Variants in DNAAF4 observed in about 807,000 individuals in gnomAD.
DNAAF4 encodes dynein assembly factor 4, axonemal.
DNAAF4 carries 43 observed loss-of-function variants against 51.8 expected under a neutral mutation model. The ratio of observed to expected loss-of-function variants is 0.83; its 90% CI spans 0.65 to 1.07. DNAAF4 has a LOEUF of 1.07. Among genes scored for constraint, DNAAF4 ranks in the 50% least tolerant of loss-of-function variants. DNAAF4 has a pLI of 0.00. For synonymous variants in DNAAF4, 194 were observed against 165.6 expected, an observed-to-expected ratio of 1.17 and a Z score of -1.32; for missense variants, 581 against 493.0, an observed-to-expected ratio of 1.18 and a Z score of -1.69.
chr15:55,470,087 C>G (rs571699032), intron 4 of DNAAF4, among the ~76,000 whole-genome samples: 11 of 150,860 alleles, frequency 7.3e-5, no homozygotes, highest in Non-Finnish European at 1.2e-4. Context: ...AGTCTCACTC[C>G]GTTGCCCAGG....
chr15:55,501,077 T>C (rs1487986573), intron 1 of DNAAF4, among the ~76,000 whole-genome samples: 1 of 151,764 alleles, frequency 6.6e-6, no homozygotes, highest in African/African-American at 2.4e-5. Context: ...TTTGTTGTTG[T>C]TTTTTCAGAC....
chr15:55,442,568 G>A (rs2057731159), intron 6 of DNAAF4: 3 of 1,050,118 alleles, frequency 2.9e-6, no homozygotes, highest in African/African-American at 3.1e-5. Flanking sequence ...AGGGAGCAGA[G>A]TATTCGGGGG....
chr15:55,431,712 T>C (rs1442048390), intron 9 of DNAAF4, among the ~76,000 whole-genome samples: 3 of 152,028 alleles, frequency 2.0e-5, no homozygotes, highest in African/African-American at 4.8e-5. Flanking sequence ...TCTCCTGACC[T>C]TGTGATCCAC....
chr15:55,463,062 T>A (rs766726799), intron 5 of DNAAF4, among the ~76,000 whole-genome samples: 1 of 151,986 alleles, frequency 6.6e-6, no homozygotes, highest in African/African-American at 2.4e-5. Context: ...TAATCCCAGA[T>A]ACTGGGGAGG....
chr15:55,489,875 G>GTTT (rs869277272), intron 4 of DNAAF4, among the ~76,000 whole-genome samples: 7 of 137,768 alleles, frequency 5.1e-5, no homozygotes, highest in African/African-American at 1.1e-4. Flanking sequence ...GAGATAAGAA[G>GTTT]TTTTTTTTTT....
At position 55,434,928 on chromosome 15, in the gene DNAAF4, T is replaced by G. The variant is rs1403080521; in HGVS notation, c.1024A>C (p.Lys342Gln). ...ACHLKLKNLH[K>Q]AIEDSSKALE... ...ACCTTAGAAGAATCTTCAATAGCCT[T>G]GTGTAAGTTTTTTAGTTTTAGGTGG... is the stretch of plus-strand genomic sequence containing the variant. The change falls in exon 8 of 10, where the codon AAG becomes CAG. Residue 342 changes from lysine to glutamine, a missense_variant. Transcript: ENST00000321149. 1 of 1,611,076 alleles carries G rather than the reference T, an allele frequency of 6.2e-7. No homozygotes were observed. The highest frequency in any genetic ancestry group is 2.2e-5 in the East Asian group (1 of 44,810).
chr15:55,436,844 G>A (rs2057620299), intron 7 of DNAAF4, among the ~76,000 whole-genome samples: 1 of 149,762 alleles, frequency 6.7e-6, no homozygotes, highest in African/African-American at 2.5e-5. Context: ...ATCTTGAGAT[G>A]GAGTCTCACT....
At chr15:55,462,172 C>G (rs2058102209) in intron 5 of DNAAF4, among the ~76,000 whole-genome samples, 1 of 151,526 alleles carries the variant, frequency 6.6e-6, no homozygotes, top group Non-Finnish European at 1.5e-5. Context: ...TAAAAAAAGT[C>G]CAGGACCAGA....
rs746516117 is a variant in DNAAF4 at position 55,491,077 on chromosome 15, C to G, written c.405+46G>C. 6 of 1,608,636 alleles carry G rather than the reference C, an allele frequency of 3.7e-6. No individual in the cohort carries two copies. The East Asian group carries it at 1.3e-4, about 36-fold the overall frequency. ...CTGGAACTCACTATCCTCACATAGT[C>G]TACTATTATCTCTTTAGAGGACTTG... On this transcript the variant is annotated intron_variant, in intron 4 of 9. Coordinates refer to ENST00000321149, the MANE Select transcript of DNAAF4 (RefSeq NM_130810.4).
At chr15:55,422,407 T>C (rs891161106) in intron 7 of DNAAF4, among the ~76,000 whole-genome samples, 2 of 152,150 alleles carry the variant, frequency 1.3e-5, no homozygotes, top group African/African-American at 4.8e-5. Flanking sequence ...TTATTTAAAA[T>C]GATTAAACCA....
chr15:55,461,440 C>A (rs917461348), intron 5 of DNAAF4, among the ~76,000 whole-genome samples: 3 of 152,126 alleles, frequency 2.0e-5, no homozygotes, highest in Non-Finnish European at 4.4e-5. Context: ...CAAATACTCT[C>A]TAAGACCACA....
intron 5 of DNAAF4, among the ~76,000 whole-genome samples, chr15:55,462,420 G>C (rs886173122): frequency 1.3e-5 from 2 of 152,060 alleles, no homozygotes; most frequent in Non-Finnish European, 2.9e-5. Flanking sequence ...TTGAACTCCT[G>C]ACCTCAGGAG....
chr15:55,442,693 G>A (rs1567006826), intron 6 of DNAAF4: 1 of 1,457,734 alleles, frequency 6.9e-7, no homozygotes, highest in Non-Finnish European at 9.6e-7. Context: ...TGAATATAGG[G>A]TCTTCTCATC....
chr15:55,418,331 A>ACAGCCAGAC (rs2057355661), intron 7 of DNAAF4: 3 of 1,542,728 alleles, frequency 1.9e-6, no homozygotes, highest in East Asian at 4.9e-5. Flanking sequence ...GTTGGATCCA[A>ACAGCCAGAC]AGACACTCCA....
At chr15:55,474,852 C>T (rs937259940) in intron 4 of DNAAF4, among the ~76,000 whole-genome samples, 23 of 151,446 alleles carry the variant, frequency 1.5e-4, no homozygotes, top group East Asian at 1.4e-3. Context: ...CAGTGGCGCA[C>T]GCCGTAATCC....
At position 55,500,734 on chromosome 15, in the gene DNAAF4, T is replaced by A. The variant is rs531249350; in HGVS notation, c.-255-2150A>T. Among the ~76,000 whole-genome samples, 6 of 152,262 alleles carry A rather than the reference T, an allele frequency of 3.9e-5. No individual in the cohort carries two copies. In the East Asian group the frequency reaches 1.2e-3, roughly 30 times the overall value. Reference sequence around the variant, plus strand: ...TTGGCCGGGCGTGGTGGCTCATGCCTGTAATCCCACCACTTTGGAAGGCCG... The same window carrying A: ...TTGGCCGGGCGTGGTGGCTCATGCCAGTAATCCCACCACTTTGGAAGGCCG... On this transcript the variant is annotated intron_variant, in intron 1 of 9. Transcript: ENST00000321149.
At chr15:55,464,987 C>A (rs2058147717) in intron 5 of DNAAF4, among the ~76,000 whole-genome samples, 1 of 152,056 alleles carries the variant, frequency 6.6e-6, no homozygotes, top group Non-Finnish European at 1.5e-5. Context: ...AAATGTCCAA[C>A]AAACATGAAA....
At chr15:55,432,366 T>C (rs1004882449) in intron 9 of DNAAF4, 131 bp downstream of exon 9, 1 of 598,014 alleles carries the variant, frequency 1.7e-6, no homozygotes, top group African/African-American at 1.8e-5. Flanking sequence ...ACTGCAGACA[T>C]TACTAAGAAT....
At chr15:55,469,723 C>T (rs1350432491) in intron 4 of DNAAF4, among the ~76,000 whole-genome samples, 1 of 151,810 alleles carries the variant, frequency 6.6e-6, no homozygotes, top group Admixed American at 6.6e-5. Context: ...ATCTCCTGAC[C>T]TCGTGATCCG....
Sources: gnomAD v4.1 joint callset for allele counts (sites outside exome capture counted in the v4.1 genomes callset) on GRCh38, gnomAD v4.1.1 for gene constraint, MANE v1.5 for transcripts, NCBI Gene and HGNC (gene_info 2026-07-23, HGNC 2026-07-21) for gene names.